FAM114A1: variants seen among roughly 807,000 people sequenced by gnomAD.
The protein encoded by FAM114A1 is protein NOXP20.
A neutral mutation model predicts 64.3 loss-of-function variants in FAM114A1; 62 were observed. That is an observed-to-expected ratio of 0.96 (90% CI 0.79 to 1.19). FAM114A1 has a LOEUF of 1.19. Among genes scored for constraint, FAM114A1 ranks in the 50% most tolerant of loss-of-function variants. The pLI is 0.00. For missense variants in FAM114A1, 645 were observed against 676.3 expected, an observed-to-expected ratio of 0.95 and a Z score of 0.51; for synonymous variants, 254 against 251.1, an observed-to-expected ratio of 1.01 and a Z score of -0.11.
intron 14 of FAM114A1, among the ~76,000 whole-genome samples, chr4:38,942,010 A>G (rs4574423): frequency 0.43 from 65,748 of 151,708 alleles, 15,001 homozygotes; most frequent in East Asian, 0.53. Context: ...TGAAAGGCAC[A>G]TCTCACATGG....
Position 38,929,226 on chromosome 4 carries a change from C to A in FAM114A1, c.1070-16C>A. On this transcript the variant is annotated splice_polypyrimidine_tract_variant and intron_variant, in intron 9 of 14. Transcript: ENST00000358869. ...GAAAAATAAATCACGCTTCTTCTGT[C>A]GTGTTCTATTTCTAGGCTTAGAAGA... 1 of 1,582,584 alleles carries A rather than the reference C, an allele frequency of 6.3e-7. No homozygotes were observed. The highest frequency in any genetic ancestry group is 1.1e-5 in the South Asian group (1 of 90,422).
chr4:38,872,664 A>G (rs903337709), intron 2 of FAM114A1, among the ~76,000 whole-genome samples: 28 of 152,208 alleles, frequency 1.8e-4, no homozygotes, highest in African/African-American at 6.5e-4. Flanking sequence ...ATAAATTAAG[A>G]CAGGGAAATC....
Position 38,935,785 on chromosome 4 carries a change from G to A in FAM114A1, c.1531G>A (p.Val511Ile). Residue 511 changes from valine to isoleucine, a missense_variant, in exon 13 of 15, where the codon GTT becomes ATT. Val to Ile is a conservative substitution (Grantham distance 29). Transcript: ENST00000358869. Reference sequence around the variant, plus strand: ...GAAGTTTACGAATTCTTTAACCACTGTTGGGGTAAGATTACAGTCTTGAAT... The same window carrying A: ...GAAGTTTACGAATTCTTTAACCACTATTGGGGTAAGATTACAGTCTTGAAT... Reference protein sequence around the residue: ...SKKFTNSLTTVGSNKKAEVLN... With the variant: ...SKKFTNSLTTIGSNKKAEVLN... 6.2e-7 allele frequency: 1 copy of A among 1,608,290 alleles called. No individual in the cohort carries two copies. The highest frequency in any genetic ancestry group is 2.2e-5 in the East Asian group (1 of 44,814).
At chr4:38,912,450 T>G (rs539850339) in intron 7 of FAM114A1, among the ~76,000 whole-genome samples, 11 of 152,248 alleles carry the variant, frequency 7.2e-5, no homozygotes, top group African/African-American at 2.6e-4. Flanking sequence ...AATGGCGCAA[T>G]CTTGGCTCAC....
At chr4:38,930,181 CCA>C (rs1025332658) in intron 10 of FAM114A1, among the ~76,000 whole-genome samples, 1 of 152,196 alleles carries the variant, frequency 6.6e-6, no homozygotes, top group African/African-American at 2.4e-5. Flanking sequence ...TCTAATAATA[CCA>C]CAGTGTGTTT....
chr4:38,942,813 T>C (rs1721672911), intron 14 of FAM114A1, among the ~76,000 whole-genome samples: 1 of 152,176 alleles, frequency 6.6e-6, no homozygotes, highest in Admixed American at 6.5e-5. Flanking sequence ...CATACAGTGT[T>C]TTTGTGTTAT....
At chr4:38,931,079 CAT>C (rs2109783740) in intron 10 of FAM114A1, among the ~76,000 whole-genome samples, 1 of 152,252 alleles carries the variant, frequency 6.6e-6, no homozygotes, top group South Asian at 2.1e-4. Flanking sequence ...ATTTCTAACA[CAT>C]ATTTTTAAAA....
rs148832684 is a variant in FAM114A1 at position 38,891,309 on chromosome 4, A to G, written c.349-434A>G. On this transcript the variant is annotated intron_variant, in intron 3 of 14. Transcript: ENST00000358869. ...ATCATCCATGCCAAAGCACCTGCCT[A>G]CTGCCCCAGAGTTTAAAAGTTAACT... 3.5e-3 allele frequency among the ~76,000 whole-genome samples: 528 copies of G among 152,236 alleles called. 2 individuals are homozygous for G. The highest frequency in any genetic ancestry group is 0.024 in the South Asian group (116 of 4,820).
intron 4 of FAM114A1, among the ~76,000 whole-genome samples, chr4:38,894,264 G>A (rs2109619146): frequency 6.6e-6 from 1 of 151,396 alleles, no homozygotes; most frequent in Middle Eastern, 3.4e-3. Flanking sequence ...GCCTGTGCTT[G>A]TGTTTGGGGT....
intron 7 of FAM114A1, 123 bp from the exon 8 acceptor site, chr4:38,914,797 TA>T: frequency 9.2e-7 from 1 of 1,084,200 alleles, no homozygotes; most frequent in Non-Finnish European, 1.3e-6. Flanking sequence ...TTAGAAATTC[TA>T]AAGTGACCAG....
At chr4:38,891,147 A>G (rs905409322) in intron 3 of FAM114A1, among the ~76,000 whole-genome samples, 9 of 152,240 alleles carry the variant, frequency 5.9e-5, no homozygotes, top group African/African-American at 1.9e-4. Flanking sequence ...GGTCAGGGAC[A>G]GTCTTATCCC....
chr4:38,901,284 C>T (rs1167029890), intron 4 of FAM114A1, among the ~76,000 whole-genome samples: 1 of 149,086 alleles, frequency 6.7e-6, no homozygotes, highest in Non-Finnish European at 1.5e-5. Context: ...AGCATATTCT[C>T]TTGTTTTTTT....
intron 4 of FAM114A1, among the ~76,000 whole-genome samples, chr4:38,904,191 G>C (rs1717776960): frequency 1.3e-5 from 2 of 152,186 alleles, no homozygotes; most frequent in South Asian, 4.1e-4. Context: ...TTCTCCGTGA[G>C]TGCTCGGGGG....
chr4:38,914,764 G>A, intron 7 of FAM114A1, 157 bp from the exon 8 acceptor site: 1 of 768,518 alleles, frequency 1.3e-6, no homozygotes, highest in Non-Finnish European at 2.0e-6. Flanking sequence ...GTTATCAATA[G>A]GATCAATCAA....
At chr4:38,904,653 G>T (rs73236667) in intron 4 of FAM114A1, among the ~76,000 whole-genome samples, 119 of 152,288 alleles carry the variant, frequency 7.8e-4, no homozygotes, top group Middle Eastern at 3.4e-3. Flanking sequence ...TCAGCTCCAG[G>T]ACCTTCACTC....
intron 2 of FAM114A1, among the ~76,000 whole-genome samples, chr4:38,871,247 G>T (rs536838648): frequency 1.3e-5 from 2 of 151,782 alleles, no homozygotes; most frequent in African/African-American, 4.8e-5. Context: ...ATGCCACCAT[G>T]CCCAGCTAAT....
At chr4:38,919,654 C>T (rs565955280) in intron 8 of FAM114A1, among the ~76,000 whole-genome samples, 1 of 152,202 alleles carries the variant, frequency 6.6e-6, no homozygotes, top group East Asian at 1.9e-4. Context: ...CCTCTGAGGG[C>T]TTATTGTCTT....
At chr4:38,884,125 G>A (rs1265264045) in intron 3 of FAM114A1, among the ~76,000 whole-genome samples, 2 of 152,210 alleles carry the variant, frequency 1.3e-5, no homozygotes, top group African/African-American at 4.8e-5. Flanking sequence ...TGGGGTACGG[G>A]GAATAATTGA....
chr4:38,880,452 TC>T (rs1715145818), intron 3 of FAM114A1, among the ~76,000 whole-genome samples: 1 of 152,198 alleles, frequency 6.6e-6, no homozygotes, highest in Non-Finnish European at 1.5e-5. Flanking sequence ...GGACACTTTT[TC>T]ATCCATTGAT....
Sources: allele counts gnomAD v4.1 joint callset (sites outside exome capture counted in the v4.1 genomes callset), GRCh38; gene constraint gnomAD v4.1.1; transcripts MANE v1.5; gene names NCBI Gene and HGNC (gene_info 2026-07-23, HGNC 2026-07-21).